TGFA: variants seen among roughly 807,000 people sequenced by gnomAD.
The protein encoded by TGFA is transforming growth factor alpha.
A neutral mutation model predicts 21.7 loss-of-function variants in TGFA; 12 were observed. That is an observed-to-expected ratio of 0.55 (90% CI 0.35 to 0.90). TGFA has a LOEUF of 0.90. Among genes scored for constraint, TGFA ranks in the 40% least tolerant of loss-of-function variants. TGFA has a pLI of 0.01. For synonymous variants in TGFA, 79 were observed against 88.1 expected, an observed-to-expected ratio of 0.90 and a Z score of 0.58; for missense variants, 178 against 210.8, an observed-to-expected ratio of 0.84 and a Z score of 0.96.
At chr2:70,514,758 G>A (rs1470670424) in intron 2 of TGFA, 101 bp downstream of exon 2, 6 of 1,261,138 alleles carry the variant, frequency 4.8e-6, no homozygotes, top group East Asian at 4.9e-5. Context: ...GCGTGTGCTC[G>A]GTGGGCAGGA....
At chr2:70,476,080 C>CAAAAAAAAAAAAAA (rs1175233983) in intron 2 of TGFA, among the ~76,000 whole-genome samples, 35 of 55,640 alleles carry the variant, frequency 6.3e-4, no homozygotes, top group East Asian at 3.1e-3. Flanking sequence ...TAATTTTAAG[C>CAAAAAAAAAAAAAA]AAAAAAAAAA....
At chr2:70,455,793 G>A (rs1670209909) in intron 4 of TGFA, among the ~76,000 whole-genome samples, 1 of 152,136 alleles carries the variant, frequency 6.6e-6, no homozygotes. Flanking sequence ...GTCTCTCCTG[G>A]TCTAGGCCCC....
intron 1 of TGFA, among the ~76,000 whole-genome samples, chr2:70,536,217 G>T (rs1237370206): frequency 6.6e-6 from 1 of 152,174 alleles, no homozygotes; most frequent in Non-Finnish European, 1.5e-5. Context: ...TCCTTAATGT[G>T]TATGTGCACC....
In TGFA at chr2:70,472,874, A is replaced by G. The variant is rs1670800063; in HGVS notation, c.95-7138T>C. Among the ~76,000 whole-genome samples, 5 of 152,340 alleles carry G rather than the reference A, an allele frequency of 3.3e-5. No homozygotes were observed. The South Asian group carries it at 1.0e-3, about 32-fold the overall frequency. On this transcript the variant is annotated intron_variant, in intron 2 of 5. Coordinates refer to ENST00000295400, the MANE Select transcript of TGFA (RefSeq NM_003236.4). ...TCATGGCTAACTTTCTAACAATTTA[A>G]TCATGACGTCTGGCTTTTTAGTAGG...
intron 1 of TGFA, among the ~76,000 whole-genome samples, chr2:70,523,600 C>T (rs782268543): frequency 8.5e-5 from 13 of 152,142 alleles, no homozygotes; most frequent in African/African-American, 1.2e-4. Context: ...CTCCACGATG[C>T]CCCCTGACCA....
intron 1 of TGFA, among the ~76,000 whole-genome samples, chr2:70,517,795 G>T (rs1350939189): frequency 2.0e-5 from 3 of 152,208 alleles, no homozygotes; most frequent in African/African-American, 7.2e-5. Context: ...AACAGACTCT[G>T]CAGGCCCAGC....
At chr2:70,463,145 T>C (rs913007138) in intron 3 of TGFA, among the ~76,000 whole-genome samples, 6 of 152,106 alleles carry the variant, frequency 3.9e-5, no homozygotes, top group Non-Finnish European at 8.8e-5. Flanking sequence ...GGCAAGTTGC[T>C]CAACTTCTCT....
chr2:70,486,382 G>A (rs1553496660), intron 2 of TGFA, among the ~76,000 whole-genome samples: 1 of 152,122 alleles, frequency 6.6e-6, no homozygotes, highest in East Asian at 1.9e-4. Flanking sequence ...CACCAAAGCT[G>A]TCTCTCAAAA....
intron 2 of TGFA, among the ~76,000 whole-genome samples, chr2:70,512,960 C>A (rs1299549864): frequency 6.6e-6 from 1 of 152,118 alleles, no homozygotes; most frequent in African/African-American, 2.4e-5. Context: ...ACCAGAGAGC[C>A]GGGAAACTAG....
chr2:70,452,869 G>C (rs558857756), intron 5 of TGFA, among the ~76,000 whole-genome samples: 4 of 152,120 alleles, frequency 2.6e-5, no homozygotes, highest in South Asian at 2.1e-4. Context: ...CTTGAAACTG[G>C]GAGGTGGAGA....
chr2:70,548,196 C>G (rs541269016), intron 1 of TGFA, among the ~76,000 whole-genome samples: 1 of 152,158 alleles, frequency 6.6e-6, no homozygotes, highest in African/African-American at 2.4e-5. Flanking sequence ...TGTTTGCCAA[C>G]TGAGTACCTC....
intron 1 of TGFA, among the ~76,000 whole-genome samples, chr2:70,552,116 G>C (rs1673528905): frequency 6.6e-6 from 1 of 152,206 alleles, no homozygotes; most frequent in South Asian, 2.1e-4. Context: ...ATGACCACAA[G>C]TTAGGTGACT....
intron 3 of TGFA, among the ~76,000 whole-genome samples, chr2:70,464,945 C>T (rs1376077476): frequency 6.6e-6 from 1 of 152,190 alleles, no homozygotes; most frequent in East Asian, 1.9e-4. Context: ...CTTCCCCAAC[C>T]TGGCTGACTG....
At chr2:70,544,476 GA>G (rs572958424) in intron 1 of TGFA, among the ~76,000 whole-genome samples, 26 of 151,756 alleles carry the variant, frequency 1.7e-4, no homozygotes, top group African/African-American at 5.8e-4. Context: ...ATATAAATAT[GA>G]AAAAAAAGCT....
intron 2 of TGFA, among the ~76,000 whole-genome samples, chr2:70,514,022 G>A (rs1334312525): frequency 6.6e-6 from 1 of 152,148 alleles, no homozygotes; most frequent in Non-Finnish European, 1.5e-5. Flanking sequence ...GAATCCAAAA[G>A]GTGGAAAAAG....
At chr2:70,527,574 A>G (rs187093583) in intron 1 of TGFA, among the ~76,000 whole-genome samples, 1 of 152,354 alleles carries the variant, frequency 6.6e-6, no homozygotes, top group Non-Finnish European at 1.5e-5. Context: ...TACAAGAGTG[A>G]GCCCTAATGT....
rs542870880 is a variant in TGFA, at chr2:70,491,109, GAACTCCT to G, written c.94+23743_94+23749del. ...CCCACCTACCCATCTACCTTTAATTGAACTCCTATTAAGAAGGCACTGTCAGCTCCTA... is the reference window on the plus strand; with the variant it reads ...CCCACCTACCCATCTACCTTTAATTGATTAAGAAGGCACTGTCAGCTCCTA... On this transcript the variant is annotated intron_variant, in intron 2 of 5. Coordinates refer to ENST00000295400, the MANE Select transcript of TGFA (RefSeq NM_003236.4). 2.4e-4 allele frequency among the ~76,000 whole-genome samples: 36 copies of G among 152,260 alleles called. No individual in the cohort carries two copies. In the South Asian group the frequency reaches 7.5e-3, roughly 32 times the overall value.
At chr2:70,506,300 A>G (rs1671924698) in intron 2 of TGFA, among the ~76,000 whole-genome samples, 1 of 152,232 alleles carries the variant, frequency 6.6e-6, no homozygotes, top group Non-Finnish European at 1.5e-5. Flanking sequence ...TAAAGCAAGA[A>G]CTTGGGGGAT....
Position 70,447,457 on chromosome 2 carries a change from A to G in TGFA, c.*3402T>C, listed in dbSNP as rs534931269. The G allele has an allele frequency of 6.5e-6, 1 of 152,792 alleles. No homozygotes were observed. The highest frequency in any genetic ancestry group is 2.4e-5 in the African/African-American group (1 of 41,588). The allele number at this position is 152,792 out of a possible 1,614,324, so 9.5% of individuals were successfully genotyped here. A position where few individuals can be genotyped will look rare whatever the true frequency, so the allele number is the denominator to read the frequency against. ...ATCACATTAACACATTACAGAAATC[A>G]AAATTAACTTACCACACAAAATAAA... On this transcript the variant is annotated 3_prime_UTR_variant, in exon 6 of 6. Transcript: ENST00000295400.
Sources: allele counts gnomAD v4.1 joint callset (sites outside exome capture counted in the v4.1 genomes callset), GRCh38; gene constraint gnomAD v4.1.1; transcripts MANE v1.5; gene names NCBI Gene and HGNC (gene_info 2026-07-23, HGNC 2026-07-21).